The following MIPOL1 variants were observed in gnomAD, a reference collection of about 807,000 sequenced individuals.
The protein encoded by MIPOL1 is mirror-image polydactyly 1.
A neutral mutation model predicts 60.9 loss-of-function variants in MIPOL1; 57 were observed. The ratio of observed to expected loss-of-function variants is 0.94; its 90% CI spans 0.76 to 1.17. The LOEUF (loss-of-function observed/expected upper bound fraction) is 1.17, where lower values mean the gene tolerates loss of function less well. Among genes scored for constraint, MIPOL1 ranks in the 50% most tolerant of loss-of-function variants. The pLI is 0.00. For synonymous variants in MIPOL1, 179 were observed against 168.8 expected, an observed-to-expected ratio of 1.06 and a Z score of -0.47; for missense variants, 551 against 511.6, an observed-to-expected ratio of 1.08 and a Z score of -0.74.
chr14:37,208,659 T>C (rs189563854), intron 1 of MIPOL1, among the ~76,000 whole-genome samples: 57 of 152,288 alleles, frequency 3.7e-4, no homozygotes, highest in Admixed American at 5.9e-4. Context: ...AGTGGCACAG[T>C]CTTGGCTCAC....
intron 12 of MIPOL1, chr14:37,502,402 A>G (rs2095228598): frequency 6.6e-6 from 1 of 152,398 alleles, no homozygotes; most frequent in Admixed American, 6.5e-5. Context: ...CTTCCAGAGG[A>G]AGGATCAGGC....
intron 10 of MIPOL1, among the ~76,000 whole-genome samples, chr14:37,399,052 A>G (rs1212613494): frequency 6.6e-6 from 1 of 152,154 alleles, no homozygotes; most frequent in Non-Finnish European, 1.5e-5. Flanking sequence ...ATTGCAATTA[A>G]GTGCTGACAG....
intron 11 of MIPOL1, among the ~76,000 whole-genome samples, chr14:37,498,464 T>C (rs573968795): frequency 5.3e-5 from 8 of 152,072 alleles, no homozygotes; most frequent in African/African-American, 1.7e-4. Flanking sequence ...CTGAAGAAAA[T>C]TGGAACTTGG....
chr14:37,219,556 C>T (rs1039796592), intron 1 of MIPOL1: 5 of 152,024 alleles, frequency 3.3e-5, no homozygotes, highest in African/African-American at 1.2e-4. Context: ...TTTGTAGGAA[C>T]GAGGTCTCAC....
At chr14:37,315,240 A>G (rs1191309152) in intron 9 of MIPOL1, among the ~76,000 whole-genome samples, 1 of 152,216 alleles carries the variant, frequency 6.6e-6, no homozygotes, top group Non-Finnish European at 1.5e-5. Context: ...GAAGAGATCA[A>G]CAGTGCCCTG....
chr14:37,324,582 A>C (rs531750289), intron 9 of MIPOL1, among the ~76,000 whole-genome samples: 1 of 151,982 alleles, frequency 6.6e-6, no homozygotes, highest in Non-Finnish European at 1.5e-5. Context: ...GATGACATCT[A>C]ATTTATCAGT....
chr14:37,481,497 A>G (rs1226613183), intron 11 of MIPOL1, among the ~76,000 whole-genome samples: 1 of 150,836 alleles, frequency 6.6e-6, no homozygotes, highest in Non-Finnish European at 1.5e-5. Context: ...AATTATCAGA[A>G]TTCTAATGTC....
intron 6 of MIPOL1, 115 bp downstream of exon 6, chr14:37,270,640 C>A: frequency 3.9e-6 from 1 of 258,986 alleles, no homozygotes; most frequent in Non-Finnish European, 6.2e-6. Flanking sequence ...GGGAAGCTCT[C>A]CTTTTTTTTT....
At chr14:37,231,285 C>T (rs1017333887) in intron 1 of MIPOL1, among the ~76,000 whole-genome samples, 2 of 151,944 alleles carry the variant, frequency 1.3e-5, no homozygotes, top group East Asian at 3.9e-4. Flanking sequence ...ATGGATTCTC[C>T]CTGTGTTTCC....
intron 1 of MIPOL1, among the ~76,000 whole-genome samples, chr14:37,241,613 G>A (rs984305035): frequency 6.6e-6 from 1 of 151,620 alleles, no homozygotes; most frequent in African/African-American, 2.4e-5. Flanking sequence ...GGCGGAAACC[G>A]TTACATTGAC....
At position 37,547,500 on chromosome 14, in the gene MIPOL1, T is replaced by C. The variant is rs1049417393; in HGVS notation, c.*529T>C. 3.3e-5 allele frequency: 5 copies of C among 152,646 alleles called. No individual in the cohort carries two copies. Among genetic ancestry groups the C allele is most frequent in the Non-Finnish European group, 5.9e-5 (4 of 68,054 alleles). 9.5% of individuals were successfully genotyped at this position (152,646 alleles called of 1,614,324 possible). On this transcript the variant is annotated 3_prime_UTR_variant, in exon 13 of 13. Transcript: ENST00000684589. ...AATGCGTGTATGTAATCTTTGTTAGTATAAAAGATATTAAATATAGGTGCC... is the reference window on the plus strand; with the variant it reads ...AATGCGTGTATGTAATCTTTGTTAGCATAAAAGATATTAAATATAGGTGCC...
In MIPOL1 at chr14:37,314,696, G is replaced by A. The variant is rs556729111; in HGVS notation, c.828+6177G>A. On this transcript the variant is annotated intron_variant, in intron 9 of 12. Transcript: ENST00000684589. ...ATCCTGTTACAGGCCTTATCACACT[G>A]TATTACAGTTAATTGATTTTATGCC... 5.1e-4 allele frequency among the ~76,000 whole-genome samples: 77 copies of A among 152,184 alleles called. No homozygotes were observed. In the South Asian group the frequency reaches 5.6e-3, roughly 11 times the overall value.
At chr14:37,247,936 G>A (rs1973433571) in intron 3 of MIPOL1, 29 bp downstream of exon 3, 2 of 1,609,466 alleles carry the variant, frequency 1.2e-6, no homozygotes, top group Non-Finnish European at 1.7e-6. Flanking sequence ...TTAATACCAA[G>A]CCCCAGGTGT....
Position 37,270,402 on chromosome 14 carries a change from TTTTTCAA to T in MIPOL1, c.388-16_388-10del. ...ATTTGTCAAATAAGAATCCATGATT[TTTTTCAA>T]TGTGCTTTAGCTTCAGCAGAAATTG... is the stretch of plus-strand genomic sequence containing the variant. On this transcript the variant is annotated splice_polypyrimidine_tract_variant and intron_variant, in intron 5 of 12. Transcript: ENST00000684589. 1 of 1,361,794 alleles carries T rather than the reference TTTTTCAA, an allele frequency of 7.3e-7. No homozygotes were observed. Among genetic ancestry groups the T allele is most frequent in the Non-Finnish European group, 1.0e-6 (1 of 1,001,708 alleles). 84.4% of individuals were successfully genotyped at this position (1,361,794 alleles called of 1,614,324 possible).
chr14:37,355,934 G>T (rs560951024), intron 9 of MIPOL1, among the ~76,000 whole-genome samples: 3 of 143,188 alleles, frequency 2.1e-5, no homozygotes, highest in Non-Finnish European at 1.6e-5. Flanking sequence ...ATCCAGCTTT[G>T]TTCCGTTGCT....
At chr14:37,502,733 C>T (rs920271700) in intron 12 of MIPOL1, 3 of 152,182 alleles carry the variant, frequency 2.0e-5, no homozygotes, top group African/African-American at 7.2e-5. Context: ...GCTCACAGCT[C>T]CTCACCAGCA....
At chr14:37,478,777 T>G (rs1014390626) in intron 11 of MIPOL1, among the ~76,000 whole-genome samples, 2 of 152,064 alleles carry the variant, frequency 1.3e-5, no homozygotes, top group African/African-American at 4.8e-5. Flanking sequence ...CTTAGACAAT[T>G]TAATTCAAAA....
rs975318285 is a variant in MIPOL1, at chr14:37,511,872, T to C, written c.1262+11734T>C. On this transcript the variant is annotated intron_variant, in intron 12 of 12. Coordinates refer to ENST00000684589, the MANE Select transcript of MIPOL1 (RefSeq NM_001388067.1). ...ATAAACTATATGAAGAGTTATATAC[T>C]GTAACTATATAATGAATAGATGAGA... Among the ~76,000 whole-genome samples the C allele has an allele frequency of 3.5e-4, 53 of 152,170 alleles. 1 individual carries two copies. The highest frequency in any genetic ancestry group is 1.2e-3 in the African/African-American group (51 of 41,448).
At chr14:37,199,225 G>A (rs985970889) in intron 1 of MIPOL1, among the ~76,000 whole-genome samples, 1 of 152,252 alleles carries the variant, frequency 6.6e-6, no homozygotes, top group Non-Finnish European at 1.5e-5. Flanking sequence ...ATCTAGATCA[G>A]GAAAGAGCAT....
Sources: allele counts gnomAD v4.1 joint callset (sites outside exome capture counted in the v4.1 genomes callset), GRCh38; gene constraint gnomAD v4.1.1; transcripts MANE v1.5; gene names NCBI Gene and HGNC (gene_info 2026-07-23, HGNC 2026-07-21).